ULK4: variants seen among roughly 807,000 people sequenced by gnomAD.
ULK4 encodes inactive serine/threonine-protein kinase ULK4.
ULK4 carries 133 observed loss-of-function variants against 160.6 expected under a neutral mutation model. The ratio of observed to expected loss-of-function variants is 0.83; its 90% CI spans 0.72 to 0.96. ULK4 has a LOEUF of 0.96. ULK4 is among the 40% of genes least tolerant of loss of function. ULK4 has a pLI of 0.00. For synonymous variants in ULK4, 534 were observed against 539.8 expected, an observed-to-expected ratio of 0.99 and a Z score of 0.15; for missense variants, 1,580 against 1,499.5, an observed-to-expected ratio of 1.05 and a Z score of -0.89.
At chr3:41,444,475 T>C (rs1481108646) in intron 34 of ULK4, among the ~76,000 whole-genome samples, 1 of 152,080 alleles carries the variant, frequency 6.6e-6, no homozygotes, top group African/African-American at 2.4e-5. Context: ...CATCAGTTAT[T>C]ACCATTCTGC....
At chr3:41,784,018 A>G (rs2039929264) in intron 21 of ULK4, among the ~76,000 whole-genome samples, 1 of 152,208 alleles carries the variant, frequency 6.6e-6, no homozygotes, top group African/African-American at 2.4e-5. Context: ...CTACTTGATC[A>G]GGTCTTCCAG....
rs140732010 is a variant in ULK4, at chr3:41,839,819, C to T, written c.1657-3848G>A. On this transcript the variant is annotated intron_variant, in intron 17 of 36. Coordinates refer to ENST00000301831, the MANE Select transcript of ULK4 (RefSeq NM_017886.4). Reference sequence around the variant, plus strand: ...AACACATGGAAACTGAAATTTAAAACACCATTTACAATCCCCCCCAAAAAA... The same window carrying T: ...AACACATGGAAACTGAAATTTAAAATACCATTTACAATCCCCCCCAAAAAA... Among the ~76,000 whole-genome samples, 474 of 152,156 alleles carry T rather than the reference C, an allele frequency of 3.1e-3. 1 individual carries two copies. Among genetic ancestry groups the T allele is most frequent in the African/African-American group, 0.011 (450 of 41,522 alleles).
rs1041279080 is a variant in ULK4 at position 41,750,893 on chromosome 3, A to C, written c.2321+3468T>G. On this transcript the variant is annotated intron_variant, in intron 22 of 36. Transcript: ENST00000301831. ...TAGTCCCAGCTACTCAGGAGGCTGAAGCAGGAGAATTGCTTGAACCCGGGA... is the reference window on the plus strand; with the variant it reads ...TAGTCCCAGCTACTCAGGAGGCTGACGCAGGAGAATTGCTTGAACCCGGGA... Among the ~76,000 whole-genome samples the C allele has an allele frequency of 1.9e-3, 287 of 151,286 alleles. 4 individuals carry two copies. Among genetic ancestry groups the C allele is most frequent in the Non-Finnish European group, 5.8e-4 (39 of 67,748 alleles).
intron 34 of ULK4, among the ~76,000 whole-genome samples, chr3:41,432,214 G>A (rs1204989448): frequency 6.6e-6 from 1 of 152,088 alleles, no homozygotes; most frequent in Admixed American, 6.5e-5. Context: ...TACTGACAAA[G>A]TAAAATGCAA....
intron 21 of ULK4, among the ~76,000 whole-genome samples, chr3:41,781,258 A>G (rs1480438660): frequency 6.6e-6 from 1 of 152,072 alleles, no homozygotes; most frequent in African/African-American, 2.4e-5. Flanking sequence ...TCTACTAAAA[A>G]TACAAAAAAT....
intron 27 of ULK4, among the ~76,000 whole-genome samples, chr3:41,686,449 T>A (rs116525936): frequency 0.012 from 1,889 of 152,248 alleles, 23 homozygotes; most frequent in Non-Finnish European, 0.019. Context: ...GAGGCCTAAA[T>A]TAGAGCCTCT....
At chr3:41,436,465 T>A (rs2083041084) in intron 34 of ULK4, among the ~76,000 whole-genome samples, 1 of 152,180 alleles carries the variant, frequency 6.6e-6, no homozygotes, top group Non-Finnish European at 1.5e-5. Context: ...ATATTCAATT[T>A]TTCATTATCT....
At chr3:41,411,814 C>T (rs1006426689) in intron 34 of ULK4, among the ~76,000 whole-genome samples, 4 of 152,210 alleles carry the variant, frequency 2.6e-5, no homozygotes, top group South Asian at 2.1e-4. Flanking sequence ...AAGCCTCCCC[C>T]GCCCCTCTTT....
At chr3:41,931,273 T>C (rs1302539313) in intron 5 of ULK4, among the ~76,000 whole-genome samples, 3 of 150,856 alleles carry the variant, frequency 2.0e-5, no homozygotes, top group Non-Finnish European at 4.4e-5. Flanking sequence ...TAAGTGGGAG[T>C]TGAACAATGA....
At chr3:41,957,670 A>G (rs1307512990) in intron 1 of ULK4, among the ~76,000 whole-genome samples, 1 of 151,626 alleles carries the variant, frequency 6.6e-6, no homozygotes, top group African/African-American at 2.4e-5. Flanking sequence ...CTACAACTGC[A>G]CCATGGTACT....
chr3:41,414,262 T>C (rs189215339), intron 34 of ULK4, among the ~76,000 whole-genome samples: 202 of 152,316 alleles, frequency 1.3e-3, no homozygotes, highest in Non-Finnish European at 2.3e-3. Flanking sequence ...TTGTATTTTC[T>C]GTCAAACCTA....
chr3:41,464,102 A>T (rs1172507624), intron 32 of ULK4, among the ~76,000 whole-genome samples: 1 of 152,098 alleles, frequency 6.6e-6, no homozygotes, highest in Non-Finnish European at 1.5e-5. Context: ...ATTAAAAGCT[A>T]TATTTTACTG....
At chr3:41,484,712 A>C (rs1449609159) in intron 32 of ULK4, among the ~76,000 whole-genome samples, 1 of 152,086 alleles carries the variant, frequency 6.6e-6, no homozygotes, top group African/African-American at 2.4e-5. Flanking sequence ...TTGGCCTCCC[A>C]AAGTGCTGGG....
intron 17 of ULK4, among the ~76,000 whole-genome samples, chr3:41,872,692 C>T (rs909374683): frequency 7.2e-5 from 11 of 151,792 alleles, no homozygotes; most frequent in Non-Finnish European, 4.4e-5. Context: ...TACAGCTCCT[C>T]GACAATTATC....
intron 1 of ULK4, among the ~76,000 whole-genome samples, chr3:41,960,422 G>C (rs1431532739): frequency 6.6e-6 from 1 of 151,550 alleles, no homozygotes; most frequent in African/African-American, 2.4e-5. Flanking sequence ...GTGTGCAGGG[G>C]CAAGATCTAG....
intron 35 of ULK4, among the ~76,000 whole-genome samples, chr3:41,261,748 C>T (rs1258352332): frequency 2.6e-5 from 4 of 152,146 alleles, no homozygotes; most frequent in Non-Finnish European, 5.9e-5. Context: ...TGCTCTTGAC[C>T]AAAGGAGTCT....
intron 32 of ULK4, among the ~76,000 whole-genome samples, chr3:41,470,158 A>T (rs2083951440): frequency 6.6e-6 from 1 of 152,082 alleles, no homozygotes; most frequent in African/African-American, 2.4e-5. Flanking sequence ...AACCAAAAGA[A>T]GAGTTCACCA....
chr3:41,653,332 A>G (rs992494266), intron 30 of ULK4, among the ~76,000 whole-genome samples: 1 of 152,158 alleles, frequency 6.6e-6, no homozygotes, highest in Non-Finnish European at 1.5e-5. Flanking sequence ...GTTCCTTCCC[A>G]TGAAAACCAC....
chr3:41,851,755 A>G (rs910542477), intron 17 of ULK4, among the ~76,000 whole-genome samples: 1 of 152,208 alleles, frequency 6.6e-6, no homozygotes, highest in African/African-American at 2.4e-5. Flanking sequence ...CAGTGTGTAG[A>G]GGGAAATTTA....
Sources: gnomAD v4.1 joint callset for allele counts (sites outside exome capture counted in the v4.1 genomes callset) on GRCh38, gnomAD v4.1.1 for gene constraint, MANE v1.5 for transcripts, NCBI Gene and HGNC (gene_info 2026-07-23, HGNC 2026-07-21) for gene names.